ICA1: variants seen among roughly 807,000 people sequenced by gnomAD.
ICA1 encodes the protein 69 kDa islet cell autoantigen.
In ICA1, 40 loss-of-function variants were observed where a neutral mutation model predicts 71.0. That is an observed-to-expected ratio of 0.56 (90% CI 0.44 to 0.73). The LOEUF is 0.73. ICA1 is among the 30% of genes least tolerant of loss of function. The pLI, the probability that ICA1 is intolerant of heterozygous loss-of-function variation, is 0.00. For synonymous variants in ICA1, 207 were observed against 209.5 expected, an observed-to-expected ratio of 0.99 and a Z score of 0.10; for missense variants, 578 against 576.5, an observed-to-expected ratio of 1.00 and a Z score of -0.03.
intron 4 of ICA1, among the ~76,000 whole-genome samples, chr7:8,227,327 G>A (rs1798894514): frequency 6.6e-6 from 1 of 152,198 alleles, no homozygotes; most frequent in Non-Finnish European, 1.5e-5. Context: ...GAGACTAATG[G>A]TGGTGGCCTG....
rs1451398688 is a variant in ICA1 at position 8,226,167 on chromosome 7, T to A, written c.256+2434A>T. Among the ~76,000 whole-genome samples, 2 of 152,190 alleles carry A rather than the reference T, an allele frequency of 1.3e-5. No individual in the cohort carries two copies. Among genetic ancestry groups the A allele is most frequent in the Non-Finnish European group, 2.9e-5 (2 of 68,036 alleles). On this transcript the variant is annotated intron_variant, in intron 4 of 13. Coordinates refer to ENST00000402384, the MANE Select transcript of ICA1 (RefSeq NM_001136020.3). This position sits in a 1 kb window ranked among gnomAD's most constrained non-coding sequence, Gnocchi z 4.4. ...TCTATGAAATGTTACTATGGTTTTA[T>A]GAATCAGAGCTATGGGAAGGTATCT...
At chr7:8,218,703 C>A (rs960072810) in intron 5 of ICA1, 200 bp from the exon 6 acceptor site, 1 of 597,478 alleles carries the variant, frequency 1.7e-6, no homozygotes. Context: ...TCCATGTACC[C>A]ATCCCTTAGT....
intron 6 of ICA1, among the ~76,000 whole-genome samples, chr7:8,203,496 G>T (rs1191925308): frequency 6.6e-6 from 1 of 152,134 alleles, no homozygotes; most frequent in Non-Finnish European, 1.5e-5. Context: ...ATTTCTCAAG[G>T]TGTGATCTAT....
At chr7:8,119,528 A>G (rs1190691428) in intron 13 of ICA1, among the ~76,000 whole-genome samples, 2 of 152,358 alleles carry the variant, frequency 1.3e-5, no homozygotes, top group African/African-American at 4.8e-5. Flanking sequence ...TAAGTGAAAC[A>G]TCTGTGTATC....
chr7:8,232,922 C>T (rs1800709941), intron 2 of ICA1, among the ~76,000 whole-genome samples, 167 bp from the exon 3 acceptor site: 1 of 152,212 alleles, frequency 6.6e-6, no homozygotes, highest in African/African-American at 2.4e-5. Context: ...GGAAGTTCAT[C>T]AACTCTTTCT....
intron 1 of ICA1, among the ~76,000 whole-genome samples, chr7:8,244,495 T>TGGG (rs1195539341): frequency 6.6e-6 from 1 of 152,168 alleles, no homozygotes; most frequent in African/African-American, 2.4e-5. Flanking sequence ...GACATAGGCA[T>TGGG]GGGCAAGGAC....
chr7:8,239,484 G>C (rs180951739), intron 1 of ICA1, among the ~76,000 whole-genome samples: 1 of 152,188 alleles, frequency 6.6e-6, no homozygotes, highest in Non-Finnish European at 1.5e-5. Context: ...CGTGGCTGAC[G>C]CAGAAGATGG....
At chr7:8,209,819 T>G (rs976317976) in intron 6 of ICA1, among the ~76,000 whole-genome samples, 4 of 151,972 alleles carry the variant, frequency 2.6e-5, no homozygotes, top group Non-Finnish European at 5.9e-5. Flanking sequence ...GAATTTCTGG[T>G]GGGAGAAACA....
At chr7:8,129,302 T>A (rs1317717355) in intron 12 of ICA1, among the ~76,000 whole-genome samples, 1 of 152,104 alleles carries the variant, frequency 6.6e-6, no homozygotes, top group Non-Finnish European at 1.5e-5. Context: ...GCAATTCTGA[T>A]ATGGTCATAT....
At chr7:8,156,424 T>A (rs1801530443) in intron 8 of ICA1, 1 of 153,794 alleles carries the variant, frequency 6.5e-6, no homozygotes, top group African/African-American at 2.4e-5. Context: ...TCTCTCATCA[T>A]CCTTAAAATC....
At chr7:8,241,028 A>G (rs1803665632) in intron 1 of ICA1, among the ~76,000 whole-genome samples, 1 of 152,214 alleles carries the variant, frequency 6.6e-6, no homozygotes, top group Non-Finnish European at 1.5e-5. Flanking sequence ...CAACCTAGCA[A>G]GGCAGGCCAA....
In ICA1 at chr7:8,173,112, G is replaced by A. The variant is rs7802004; in HGVS notation, c.580-14460C>T. On this transcript the variant is annotated intron_variant, in intron 6 of 13. Transcript: ENST00000402384. This position sits in a 1 kb window ranked among gnomAD's most constrained non-coding sequence, Gnocchi z 4.0. ...CTCTGTTCACTGTAAAGGTCTACAA[G>A]TAACGGCTAACTTAGAAGCAATGAG... 0.89 allele frequency among the ~76,000 whole-genome samples: 135,375 copies of A among 152,232 alleles called. 60,639 individuals carry two copies. The highest frequency in any genetic ancestry group is 0.94 in the Non-Finnish European group (63,832 of 68,022).
intron 1 of ICA1, among the ~76,000 whole-genome samples, chr7:8,237,237 C>G (rs1802133253): frequency 6.6e-6 from 1 of 152,162 alleles, no homozygotes; most frequent in African/African-American, 2.4e-5. Flanking sequence ...GCCCTCCACT[C>G]AGTGCATCAT....
At chr7:8,152,892 A>G (rs1264802517) in intron 8 of ICA1, among the ~76,000 whole-genome samples, 12 of 1,216 alleles carry the variant, frequency 9.9e-3, no homozygotes, top group African/African-American at 0.038. Flanking sequence ...CACCACCACT[A>G]CCACCATTAT....
At chr7:8,221,539 T>G (rs1583418831) in intron 4 of ICA1, 141 bp from the exon 5 acceptor site, 1 of 891,100 alleles carries the variant, frequency 1.1e-6, no homozygotes, top group Non-Finnish European at 1.7e-6. Context: ...GGCTACAGGG[T>G]AAGCTCCCCC....
At chr7:8,219,393 G>T (rs1382704073) in intron 5 of ICA1, among the ~76,000 whole-genome samples, 2 of 152,216 alleles carry the variant, frequency 1.3e-5, no homozygotes, top group Non-Finnish European at 2.9e-5. Context: ...TAGCTAAAGG[G>T]AACAATGGTG....
chr7:8,252,535 T>C lies in ICA1; in HGVS notation c.-80+9559A>G, dbSNP rs76084119. 7.2e-3 allele frequency among the ~76,000 whole-genome samples: 1,100 copies of C among 152,224 alleles called. 14 individuals carry two copies. Among genetic ancestry groups the C allele is most frequent in the African/African-American group, 0.024 (1,016 of 41,544 alleles). ...TAGCAGACACTAGCCACATGTAATATGAGCACTTGAGATACGGCTGGTATG... is the reference window on the plus strand; with the variant it reads ...TAGCAGACACTAGCCACATGTAATACGAGCACTTGAGATACGGCTGGTATG... On this transcript the variant is annotated intron_variant, in intron 1 of 13. Coordinates refer to ENST00000402384, the MANE Select transcript of ICA1 (RefSeq NM_001136020.3).
At chr7:8,209,131 G>A (rs750292813) in intron 6 of ICA1, among the ~76,000 whole-genome samples, 52 of 152,170 alleles carry the variant, frequency 3.4e-4, no homozygotes, top group African/African-American at 1.2e-3. Flanking sequence ...ACACAGATGA[G>A]TTCACAGATA....
At position 8,116,875 on chromosome 7, in the gene ICA1, G is replaced by T. The variant is rs148395603; in HGVS notation, c.1331-2831C>A. On this transcript the variant is annotated intron_variant, in intron 13 of 13. Transcript: ENST00000402384. The stretch of plus-strand genomic sequence containing the variant: ...TATATGAGGGGGAAAGAAATCCCTC[G>T]TTAACTTTATGCCCCCCATTACAAT... 1.9e-3 allele frequency among the ~76,000 whole-genome samples: 293 copies of T among 152,234 alleles called. 1 individual carries two copies. Among genetic ancestry groups the T allele is most frequent in the African/African-American group, 6.9e-3 (286 of 41,538 alleles).
Sources: allele counts gnomAD v4.1 joint callset (sites outside exome capture counted in the v4.1 genomes callset), GRCh38; gene constraint gnomAD v4.1.1; non-coding constraint Gnocchi (gnomAD v3.1); transcripts MANE v1.5; gene names NCBI Gene and HGNC (gene_info 2026-07-23, HGNC 2026-07-21).